SI: variants seen among roughly 807,000 people sequenced by gnomAD.
SI encodes sucrase-isomaltase, also known as sucrase-isomaltase, intestinal.
Under a neutral mutation model 253.3 loss-of-function variants are expected in SI, and 235 were observed. The ratio of observed to expected loss-of-function variants is 0.93; its 90% confidence interval spans 0.83 to 1.03. The LOEUF is 1.03. Among genes scored for constraint, SI ranks in the 50% least tolerant of loss-of-function variants. SI has a pLI of 0.00. For missense variants in SI, 2,442 were observed against 2,211.1 expected, an observed-to-expected ratio of 1.10 and a Z score of -2.09; for synonymous variants, 819 against 712.0, an observed-to-expected ratio of 1.15 and a Z score of -2.39.
chr3:165,067,562 T>G, intron 5 of SI, 71 bp from the exon 6 acceptor site: 1 of 1,269,270 alleles, frequency 7.9e-7, no homozygotes, highest in Non-Finnish European at 1.1e-6. Flanking sequence ...TCTGAATTAT[T>G]AAATGCAAGT....
chr3:165,051,572 A>T (rs1180963632), intron 13 of SI, among the ~76,000 whole-genome samples: 1 of 152,092 alleles, frequency 6.6e-6, no homozygotes, highest in Non-Finnish European at 1.5e-5. Context: ...CGCCAATAAC[A>T]TTAAATTTTT....
At position 164,992,611 on chromosome 3, in the gene SI, A is replaced by G. The variant is rs542605589; in HGVS notation, c.4842-214T>C. On this transcript the variant is annotated intron_variant, in intron 41 of 47. Transcript: ENST00000264382. The stretch of plus-strand genomic sequence containing the variant: ...ATGAGTAAATCTAGACTATGACTAA[A>G]TTTCCGGAGAAAATAGAGAATTCTG... 6.6e-5 allele frequency among the ~76,000 whole-genome samples: 10 copies of G among 152,078 alleles called. No homozygotes were observed. The Middle Eastern group carries it at 0.017, about 259-fold the overall frequency.
chr3:165,001,640 T>G (rs559670288), intron 37 of SI, among the ~76,000 whole-genome samples: 2 of 151,564 alleles, frequency 1.3e-5, no homozygotes, highest in East Asian at 3.9e-4. Flanking sequence ...AATGTTCTAT[T>G]CATCTATATC....
At chr3:164,996,855 T>C in intron 38 of SI, 83 bp from the exon 39 acceptor site, 1 of 717,738 alleles carries the variant, frequency 1.4e-6, no homozygotes, top group Admixed American at 3.3e-5. Context: ...TATGATGATG[T>C]TCTGTTTTTA....
rs574555284 is a variant in SI at position 165,078,251 on chromosome 3, T to A, written c.-1+182A>T. Among the ~76,000 whole-genome samples, 93 of 151,574 alleles carry A rather than the reference T, an allele frequency of 6.1e-4. 1 individual carries two copies. Among genetic ancestry groups the A allele is most frequent in the South Asian group, 4.8e-3 (23 of 4,824 alleles). On this transcript the variant is annotated intron_variant, in intron 1 of 47. Coordinates refer to ENST00000264382, the MANE Select transcript of SI (RefSeq NM_001041.4). ...AAAAAATCCTGTATTTAAAAAAAAA[T>A]TAGAAATATTTTTTCCTGTTTAATA...
intron 24 of SI, among the ~76,000 whole-genome samples, chr3:165,031,780 A>G (rs955023808): frequency 1.7e-4 from 26 of 150,938 alleles, no homozygotes; most frequent in Non-Finnish European, 3.6e-4. Flanking sequence ...TCGTGTTTTT[A>G]AATACTACAG....
chr3:164,989,377 AAAGAAAGAAAGG>A (rs201162487), intron 44 of SI, among the ~76,000 whole-genome samples: 7,829 of 96,256 alleles, frequency 0.081, 260 homozygotes, highest in East Asian at 0.11. Context: ...AGAAAGGAAG[AAAGAAAGAAAGG>A]AAGAAAGAAA....
intron 24 of SI, among the ~76,000 whole-genome samples, chr3:165,031,359 A>T (rs1043101919): frequency 2.0e-5 from 3 of 147,282 alleles, no homozygotes; most frequent in Admixed American, 6.9e-5. Context: ...ATATATATAT[A>T]ATATATATAT....
Position 165,062,390 on chromosome 3 carries a change from A to G in SI, c.1001T>C (p.Val334Ala), listed in dbSNP as rs1173323197. Residue 334 changes from valine (V) to alanine (A), a missense_variant, in exon 9 of 48, where the codon GTA becomes GCA. By Grantham distance (64) the Val-to-Ala change is moderately conservative. Transcript: ENST00000264382. ...YILLGDTPEQ[V>A]VQQYQQLVGL... Reference sequence around the variant, plus strand: ...ACACACCTGTTGATACTGTTGAACTACTTGTTCTGGTGTATCTCCTAGAAG... The same window carrying G: ...ACACACCTGTTGATACTGTTGAACTGCTTGTTCTGGTGTATCTCCTAGAAG... 3 of 1,574,760 alleles carry G rather than the reference A, an allele frequency of 1.9e-6. No individual in the cohort carries two copies. The highest frequency in any genetic ancestry group is 1.1e-5 in the South Asian group (1 of 90,348).
At chr3:164,982,559 C>T in intron 46 of SI, 149 bp from the exon 47 acceptor site, 1 of 663,558 alleles carries the variant, frequency 1.5e-6, no homozygotes, top group Non-Finnish European at 2.6e-6. Context: ...ACATAATAAA[C>T]ATGAATAAAA....
intron 26 of SI, 104 bp downstream of exon 26, chr3:165,023,466 C>A (rs1711735389): frequency 1.2e-6 from 1 of 813,048 alleles, no homozygotes. Context: ...ATTATCAAAT[C>A]TGTTAATAAC....
intron 41 of SI, among the ~76,000 whole-genome samples, chr3:164,992,768 G>C (rs1173697069): frequency 1.3e-5 from 2 of 151,774 alleles, no homozygotes; most frequent in African/African-American, 2.4e-5. Context: ...AAAATTGTGA[G>C]ACATACTGTA....
chr3:165,084,305 C>A, the SI span, among the ~76,000 whole-genome samples: 1 of 151,980 alleles, frequency 6.6e-6, no homozygotes, highest in Non-Finnish European at 1.5e-5. Flanking sequence ...CTATTGTTTA[C>A]AAACCACCAA....
intron 7 of SI, among the ~76,000 whole-genome samples, chr3:165,064,484 A>G (rs2108257192): frequency 6.6e-6 from 1 of 152,258 alleles, no homozygotes; most frequent in Middle Eastern, 3.4e-3. Flanking sequence ...TTTGATATAG[A>G]AATAGTTAGC....
At chr3:165,028,739 C>T (rs1435502115) in intron 25 of SI, among the ~76,000 whole-genome samples, 1 of 150,922 alleles carries the variant, frequency 6.6e-6, no homozygotes, top group Non-Finnish European at 1.5e-5. Context: ...AAGCCACATG[C>T]AGGAGAATAA....
chr3:165,032,048 A>AAAT (rs1399367664), intron 24 of SI, among the ~76,000 whole-genome samples: 13 of 151,242 alleles, frequency 8.6e-5, no homozygotes, highest in Non-Finnish European at 1.5e-4. Context: ...TGTAAACACA[A>AAAT]AATTAAAGTT....
chr3:165,039,063 GT>G lies in SI; in HGVS notation c.2301+14del. ...ATAATACTTGTGAGTCCATTAGTAT[GT>G]TAAGGTTACTTACAGATTCATAATC... On this transcript the variant is annotated intron_variant, in intron 20 of 47. Coordinates refer to ENST00000264382, the MANE Select transcript of SI (RefSeq NM_001041.4). 1 of 1,536,240 alleles carries G rather than the reference GT, an allele frequency of 6.5e-7. No homozygotes were observed. Among genetic ancestry groups the G allele is most frequent in the Non-Finnish European group, 9.0e-7 (1 of 1,111,562 alleles).
chr3:165,016,512 A>C (rs557888557), intron 31 of SI, among the ~76,000 whole-genome samples: 21 of 152,124 alleles, frequency 1.4e-4, no homozygotes, highest in African/African-American at 4.8e-4. Flanking sequence ...GGTAATTTCA[A>C]ATAATTCTAA....
intron 25 of SI, among the ~76,000 whole-genome samples, chr3:165,024,157 A>G (rs1263295462): frequency 6.6e-6 from 1 of 151,454 alleles, no homozygotes; most frequent in Non-Finnish European, 1.5e-5. Context: ...AAATGGCATT[A>G]TAACATGCCT....
Sources: gnomAD v4.1 joint callset for allele counts (sites outside exome capture counted in the v4.1 genomes callset) on GRCh38, gnomAD v4.1.1 for gene constraint, MANE v1.5 for transcripts, NCBI Gene and HGNC (gene_info 2026-07-23, HGNC 2026-07-21) for gene names.